ZNRF1: variants seen among roughly 807,000 people sequenced by gnomAD.
ZNRF1 encodes the protein E3 ubiquitin-protein ligase ZNRF1.
ZNRF1 carries 3 observed loss-of-function variants against 18.4 expected under a neutral mutation model. The observed-to-expected ratio is 0.16, with a 90% CI of 0.07 to 0.42. The LOEUF is 0.42. Among genes scored for constraint, ZNRF1 ranks in the 10% least tolerant of loss-of-function variants. ZNRF1 has a pLI of 0.99. For missense variants in ZNRF1, 310 were observed against 329.8 expected, an observed-to-expected ratio of 0.94 and a Z score of 0.47; for synonymous variants, 157 against 144.2, an observed-to-expected ratio of 1.09 and a Z score of -0.64.
rs1214151269 is a variant in ZNRF1, at chr16:75,077,807, T to C, written c.425-15765T>C. Among the ~76,000 whole-genome samples the C allele has an allele frequency of 3.9e-5, 6 of 152,208 alleles. No individual in the cohort carries two copies. The East Asian group carries it at 1.2e-3, about 29-fold the overall frequency. ...AGGCCACGCTTTCCTTGGCTCATGG[T>C]CCCTTCCTCTAACTTCAAAGCTAAT... On this transcript the variant is annotated intron_variant, in intron 1 of 4. Transcript: ENST00000335325.
intron 3 of ZNRF1, 65 bp downstream of exon 3, chr16:75,104,954 A>C: frequency 7.5e-7 from 1 of 1,339,770 alleles, no homozygotes; most frequent in Non-Finnish European, 1.0e-6. Flanking sequence ...CCCCATCTCC[A>C]GCCATTCTGT....
chr16:75,079,534 C>G (rs1234999547), intron 1 of ZNRF1, among the ~76,000 whole-genome samples: 5 of 152,086 alleles, frequency 3.3e-5, no homozygotes, highest in African/African-American at 1.2e-4. Context: ...TCACAGCTGT[C>G]TAGAGTCTTT....
chr16:75,008,342 T>C (rs542880978), intron 1 of ZNRF1, among the ~76,000 whole-genome samples: 1 of 152,330 alleles, frequency 6.6e-6, no homozygotes, highest in East Asian at 1.9e-4. Flanking sequence ...TGCCTTGGTC[T>C]GAGAATTGAA....
chr16:75,041,765 A>G (rs2035449800), intron 1 of ZNRF1, among the ~76,000 whole-genome samples: 1 of 150,716 alleles, frequency 6.6e-6, no homozygotes, highest in Non-Finnish European at 1.5e-5. Context: ...TTAAGACTTA[A>G]TTCTCTCAGG....
intron 1 of ZNRF1, among the ~76,000 whole-genome samples, chr16:75,073,409 C>T (rs553445726): frequency 6.6e-6 from 1 of 152,108 alleles, no homozygotes; most frequent in African/African-American, 2.4e-5. Flanking sequence ...GGCCAGGCTG[C>T]TGTCTTGGTT....
chr16:75,099,973 C>T (rs1216222913), intron 2 of ZNRF1, among the ~76,000 whole-genome samples: 2 of 152,226 alleles, frequency 1.3e-5, no homozygotes. Flanking sequence ...CCACTGCAAC[C>T]TCTTGCTGGG....
At position 75,106,746 on chromosome 16, in the gene ZNRF1, G is replaced by C. The variant is rs2036320557; in HGVS notation, c.*32+175G>C. 1.0e-5 allele frequency: 6 copies of C among 583,892 alleles called. No homozygotes were observed. The South Asian group carries it at 1.2e-4, about 11-fold the overall frequency. 36.2% of individuals were successfully genotyped at this position (583,892 alleles called of 1,614,324 possible). ...ATCCGGAAATGATTTTCCCTGGGAA[G>C]GACAAGAGATACAAACCAACATGGA... On this transcript the variant is annotated intron_variant, in intron 4 of 4. Coordinates refer to ENST00000335325, the MANE Select transcript of ZNRF1 (RefSeq NM_032268.5).
chr16:74,999,637 C>G lies in ZNRF1; in HGVS notation c.-35C>G, dbSNP rs114497403. On this transcript the variant is annotated 5_prime_UTR_variant, in exon 1 of 5. Transcript: ENST00000335325. Reference sequence around the variant, plus strand: ...CTGAGAAGTGGGGGAGGGTCTCGGCCTCCAGGTTCCCGCCCCACCGGGGCC... The same window carrying G: ...CTGAGAAGTGGGGGAGGGTCTCGGCGTCCAGGTTCCCGCCCCACCGGGGCC... 2.0e-3 allele frequency: 2,678 copies of G among 1,321,924 alleles called. 56 individuals carry two copies. The African/African-American group carries it at 0.036, about 18-fold the overall frequency. 81.9% of individuals were successfully genotyped at this position (1,321,924 alleles called of 1,614,324 possible).
chr16:75,079,049 G>A (rs567376512), intron 1 of ZNRF1, among the ~76,000 whole-genome samples: 6 of 152,268 alleles, frequency 3.9e-5, no homozygotes, highest in Admixed American at 3.9e-4. Flanking sequence ...CCCGGTTCAA[G>A]TAACCTGAAC....
At position 75,108,324 on chromosome 16, in the gene ZNRF1, T is replaced by A; in HGVS notation, c.*624T>A. The A allele has an allele frequency of 2.8e-6, 1 of 361,172 alleles. No individual in the cohort carries two copies. The highest frequency in any genetic ancestry group is 4.9e-6 in the Non-Finnish European group (1 of 204,560). 22.4% of individuals were successfully genotyped at this position (361,172 alleles called of 1,614,324 possible). On this transcript the variant is annotated 3_prime_UTR_variant, in exon 5 of 5. Coordinates refer to ENST00000335325, the MANE Select transcript of ZNRF1 (RefSeq NM_032268.5). ...CCAAAAAACAACCCATTGAGAACTT[T>A]CTTCCTACTGATCCCATCTCTTTTC...
intron 1 of ZNRF1, among the ~76,000 whole-genome samples, chr16:75,048,580 T>C (rs1597879398): frequency 6.6e-6 from 1 of 152,218 alleles, no homozygotes; most frequent in African/African-American, 2.4e-5. Flanking sequence ...GGTTTCTAGA[T>C]ACCTTTCACT....
At chr16:75,000,447 G>C (rs1026355114) in intron 1 of ZNRF1, 1 of 445,686 alleles carries the variant, frequency 2.2e-6, no homozygotes, top group Admixed American at 2.9e-5. Flanking sequence ...CTGCAGCACT[G>C]TGCCTGCCTC....
At chr16:75,063,192 A>G (rs1220350836) in intron 1 of ZNRF1, among the ~76,000 whole-genome samples, 2 of 152,172 alleles carry the variant, frequency 1.3e-5, no homozygotes, top group African/African-American at 4.8e-5. Flanking sequence ...AGCTCCCCAC[A>G]TAGCCCCGCT....
At chr16:75,000,361 T>G (rs1239387177) in intron 1 of ZNRF1, 2 of 650,864 alleles carry the variant, frequency 3.1e-6, no homozygotes, top group Non-Finnish European at 5.7e-6. Flanking sequence ...GAGTTCCATT[T>G]ATTGGCATCA....
At chr16:75,045,888 T>G (rs975448475) in intron 1 of ZNRF1, among the ~76,000 whole-genome samples, 3 of 151,754 alleles carry the variant, frequency 2.0e-5, no homozygotes, top group African/African-American at 7.3e-5. Context: ...ATTTAGAATT[T>G]AATGTTTGCT....
rs577486805 is a variant in ZNRF1 at position 75,098,922 on chromosome 16, A to ACT, written c.520+5258_520+5259dup. ...GGTCTCTTGAGGATGTGTTGCCAGA[A>ACT]CTCTGCAGAATACTCGAGCCTGGCA... On this transcript the variant is annotated intron_variant, in intron 2 of 4. Transcript: ENST00000335325. Among the ~76,000 whole-genome samples the ACT allele has an allele frequency of 1.3e-4, 20 of 152,086 alleles. 2 individuals carry two copies. Among genetic ancestry groups the ACT allele is most frequent in the South Asian group, 1.0e-3 (5 of 4,818 alleles).
intron 1 of ZNRF1, among the ~76,000 whole-genome samples, chr16:75,035,726 C>T (rs140772782): frequency 6.6e-6 from 1 of 152,308 alleles, no homozygotes; most frequent in East Asian, 1.9e-4. Flanking sequence ...CGATTCTTCT[C>T]TTGGGGTTGG....
intron 2 of ZNRF1, 106 bp downstream of exon 2, chr16:75,093,773 C>T (rs2036168270): frequency 3.7e-6 from 3 of 818,616 alleles, no homozygotes; most frequent in African/African-American, 1.7e-5. Flanking sequence ...GTATTTTCAC[C>T]CTGCCCTCTG....
chr16:75,107,120 C>T, intron 4 of ZNRF1: 1 of 170,932 alleles, frequency 5.9e-6, no homozygotes, highest in East Asian at 1.7e-4. Flanking sequence ...CCAGGCCAGA[C>T]TCGATCCCTC....
Sources: gnomAD v4.1 joint callset for allele counts (sites outside exome capture counted in the v4.1 genomes callset) on GRCh38, gnomAD v4.1.1 for gene constraint, MANE v1.5 for transcripts, NCBI Gene and HGNC (gene_info 2026-07-23, HGNC 2026-07-21) for gene names.